Variants in PLCB1 observed in about 807,000 individuals in gnomAD.
The protein encoded by PLCB1 is phospholipase C beta 1.
Under a neutral mutation model 161.8 loss-of-function variants are expected in PLCB1, and 46 were observed. The ratio of observed to expected loss-of-function variants is 0.28; its 90% CI spans 0.22 to 0.36. The LOEUF is 0.36. Among genes scored for constraint, PLCB1 ranks in the 10% least tolerant of loss-of-function variants. The pLI, the probability that PLCB1 is intolerant of heterozygous loss-of-function variation, is 1.00. For missense variants in PLCB1, 1,016 were observed against 1,472.5 expected, an observed-to-expected ratio of 0.69 and a Z score of 5.07; for synonymous variants, 517 against 503.7, an observed-to-expected ratio of 1.03 and a Z score of -0.35.
At chr20:8,619,861 T>C (rs1390283791) in intron 3 of PLCB1, among the ~76,000 whole-genome samples, 3 of 152,234 alleles carry the variant, frequency 2.0e-5, no homozygotes, top group African/African-American at 7.2e-5. Flanking sequence ...CAAATATACA[T>C]ACTGATCGAC....
intron 3 of PLCB1, among the ~76,000 whole-genome samples, chr20:8,473,331 A>G (rs942204751): frequency 1.5e-4 from 23 of 152,250 alleles, no homozygotes; most frequent in African/African-American, 5.1e-4. Context: ...CATTAATTAT[A>G]CATTAGTCTT....
intron 3 of PLCB1, among the ~76,000 whole-genome samples, chr20:8,421,308 A>T (rs1017985700): frequency 2.0e-5 from 3 of 152,236 alleles, no homozygotes; most frequent in African/African-American, 7.2e-5. Context: ...CTTTTCAGAA[A>T]GAAGCAAAAA....
chr20:8,456,518 G>A (rs547254988), intron 3 of PLCB1, among the ~76,000 whole-genome samples: 2 of 152,040 alleles, frequency 1.3e-5, no homozygotes, highest in East Asian at 3.9e-4. Flanking sequence ...CTTTTAAAGG[G>A]TGTATTTCCT....
At chr20:8,808,822 G>T (rs7269009) in intron 31 of PLCB1, among the ~76,000 whole-genome samples, 2,438 of 152,216 alleles carry the variant, frequency 0.016, 72 homozygotes, top group African/African-American at 0.055. Context: ...TACTATCTAA[G>T]CTCATAAGAG....
rs534543701 is a variant in PLCB1 at position 8,159,144 on chromosome 20, A to G, written c.177+8773A>G. On this transcript the variant is annotated intron_variant, in intron 2 of 31. Transcript: ENST00000338037. Reference sequence around the variant, plus strand: ...CCATGAGAGCACCACCCCAGCAGCAAGCTTCTGCCTGGACATCCAGGTGTT... The same window carrying G: ...CCATGAGAGCACCACCCCAGCAGCAGGCTTCTGCCTGGACATCCAGGTGTT... Among the ~76,000 whole-genome samples, 3 of 152,260 alleles carry G rather than the reference A, an allele frequency of 2.0e-5. No homozygotes were observed. In the East Asian group the frequency reaches 5.8e-4, roughly 30 times the overall value.
At chr20:8,545,883 C>T (rs900254576) in intron 3 of PLCB1, among the ~76,000 whole-genome samples, 2 of 152,050 alleles carry the variant, frequency 1.3e-5, no homozygotes, top group South Asian at 4.2e-4. Flanking sequence ...TAAGATCATA[C>T]CAGTTTTACA....
chr20:8,817,730 GAAGA>G, intron 31 of PLCB1, among the ~76,000 whole-genome samples: 1 of 152,028 alleles, frequency 6.6e-6, no homozygotes, highest in Non-Finnish European at 1.5e-5. Context: ...CAATGAATAC[GAAGA>G]AAGTCCATGA....
chr20:8,262,476 C>T lies in PLCB1; in HGVS notation c.178-108906C>T, dbSNP rs77975312. Among the ~76,000 whole-genome samples the T allele has an allele frequency of 9.2e-5, 14 of 152,168 alleles. No individual in the cohort carries two copies. In the East Asian group the frequency reaches 2.3e-3, roughly 25 times the overall value. On this transcript the variant is annotated intron_variant, in intron 2 of 31. Transcript: ENST00000338037. ...TGTATAATCCATGGTGTCTTTGTTT[C>T]GTGAGAACCCCAATGAAGAAAGAGA... is the stretch of plus-strand genomic sequence containing the variant.
chr20:8,781,564 T>A (rs1174812307), intron 27 of PLCB1, among the ~76,000 whole-genome samples: 1 of 152,154 alleles, frequency 6.6e-6, no homozygotes, highest in Non-Finnish European at 1.5e-5. Flanking sequence ...CTTTATTGCA[T>A]GAATGTAGCT....
chr20:8,320,452 G>A (rs993972271), intron 2 of PLCB1, among the ~76,000 whole-genome samples: 4 of 152,158 alleles, frequency 2.6e-5, no homozygotes, highest in Non-Finnish European at 5.9e-5. Context: ...TGTGTGTCCC[G>A]AAGTGACACA....
intron 3 of PLCB1, among the ~76,000 whole-genome samples, chr20:8,372,356 A>T (rs1986930495): frequency 6.6e-6 from 1 of 152,222 alleles, no homozygotes. Flanking sequence ...TGCAAGAAAA[A>T]AAAATCACCT....
At position 8,658,790 on chromosome 20, in the gene PLCB1, G is replaced by C; in HGVS notation, c.862+86G>C. 3 of 1,124,586 alleles carry C rather than the reference G, an allele frequency of 2.7e-6. No individual in the cohort carries two copies. The South Asian group carries it at 4.7e-5, about 18-fold the overall frequency. 69.7% of individuals were successfully genotyped at this position (1,124,586 alleles called of 1,614,324 possible). A position where few individuals can be genotyped will look rare whatever the true frequency, so the allele number is the denominator to read the frequency against. ...CTGGGAGTTAGGAACACCAGTGATC[G>C]TTAGGTTAGTTTCCTCTGTTTACAA... On this transcript the variant is annotated intron_variant, in intron 9 of 31. Coordinates refer to ENST00000338037, the MANE Select transcript of PLCB1 (RefSeq NM_015192.4).
At chr20:8,661,447 G>A (rs551852550) in intron 9 of PLCB1, among the ~76,000 whole-genome samples, 230 of 152,170 alleles carry the variant, frequency 1.5e-3, no homozygotes, top group African/African-American at 5.3e-3. Flanking sequence ...ACCGTATAAC[G>A]TGCATCCTCA....
chr20:8,360,372 A>C (rs935712407), intron 2 of PLCB1, among the ~76,000 whole-genome samples: 11 of 152,222 alleles, frequency 7.2e-5, no homozygotes, highest in Admixed American at 3.3e-4. Flanking sequence ...TAGTATCAAT[A>C]GAGGTTCCTG....
intron 11 of PLCB1, among the ~76,000 whole-genome samples, chr20:8,698,384 T>C (rs1305094215): frequency 6.6e-6 from 1 of 152,044 alleles, no homozygotes; most frequent in African/African-American, 2.4e-5. Flanking sequence ...GTATACATTA[T>C]TTTATGACTT....
At chr20:8,840,596 T>A (rs1162170141) in intron 31 of PLCB1, among the ~76,000 whole-genome samples, 1 of 152,182 alleles carries the variant, frequency 6.6e-6, no homozygotes, top group African/African-American at 2.4e-5. Flanking sequence ...AGTTCCAGAC[T>A]TTCATAACTT....
intron 31 of PLCB1, among the ~76,000 whole-genome samples, chr20:8,877,802 A>C (rs73895381): frequency 0.013 from 1,914 of 152,352 alleles, 30 homozygotes; most frequent in African/African-American, 0.038. Flanking sequence ...TTAGTTCATT[A>C]ATAATTGTAT....
chr20:8,658,631 T>A lies in PLCB1; in HGVS notation c.789T>A (p.Tyr263Ter). 6.2e-7 allele frequency: 1 copy of A among 1,613,054 alleles called. No individual in the cohort carries two copies. The highest frequency in any genetic ancestry group is 8.5e-7 in the Non-Finnish European group (1 of 1,179,328). ...ATCCTCGGCTTAATGAAATACTTTATCCACCTCTAAAACAAGAGCAAGTCC... is the reference window on the plus strand; with the variant it reads ...ATCCTCGGCTTAATGAAATACTTTAACCACCTCTAAAACAAGAGCAAGTCC... ...QRDPRLNEILYPPLKQEQVQV... is the reference protein window; with the variant it reads ...QRDPRLNEIL Residue 263 changes from tyrosine (Y) to a stop codon, truncating the protein, a stop_gained, in exon 9 of 32, where the codon TAT (tyrosine) becomes TAA (stop). Transcript: ENST00000338037. LOFTEE classifies it high-confidence loss of function.
chr20:8,763,829 T>C (rs546135013), intron 25 of PLCB1, among the ~76,000 whole-genome samples: 3 of 152,174 alleles, frequency 2.0e-5, no homozygotes, highest in East Asian at 3.9e-4. Flanking sequence ...CAGAATGTTT[T>C]AAGGTCAGAC....
Sources: allele counts gnomAD v4.1 joint callset (sites outside exome capture counted in the v4.1 genomes callset), GRCh38; gene constraint gnomAD v4.1.1; transcripts MANE v1.5; gene names NCBI Gene and HGNC (gene_info 2026-07-23, HGNC 2026-07-21).